Variants in CYYR1 observed in about 807,000 individuals in gnomAD.
The protein encoded by CYYR1 is cysteine and tyrosine rich 1, also known as cysteine and tyrosine-rich protein 1.
In CYYR1, 14 loss-of-function variants were observed where a neutral mutation model predicts 15.2. That is an observed-to-expected ratio of 0.92 (90% CI 0.61 to 1.44). CYYR1 has a LOEUF of 1.44. CYYR1 is among the 40% of genes most tolerant of loss of function. The probability of loss-of-function intolerance (pLI) is 0.00; values close to 1 mark genes in which losing one functional copy is unlikely to be tolerated. For missense variants in CYYR1, 228 were observed against 209.5 expected (o/e 1.09, Z -0.54); for synonymous variants, 80 against 77.4 (o/e 1.03, Z -0.18).
At chr21:26,470,687 C>T (rs946598933) in intron 3 of CYYR1, 1 of 152,230 alleles carries the variant, frequency 6.6e-6, no homozygotes, top group Non-Finnish European at 1.5e-5. Flanking sequence ...ATTACCCAGA[C>T]TCGGGTATGT....
At chr21:26,535,554 T>A (rs1270494859) in intron 2 of CYYR1, among the ~76,000 whole-genome samples, 1 of 152,218 alleles carries the variant, frequency 6.6e-6, no homozygotes, top group Non-Finnish European at 1.5e-5. Context: ...GCTTGTGAAA[T>A]TTTTATTAAT....
At chr21:26,538,150 C>T (rs935487494) in intron 2 of CYYR1, among the ~76,000 whole-genome samples, 2 of 152,176 alleles carry the variant, frequency 1.3e-5, no homozygotes, top group Non-Finnish European at 2.9e-5. Flanking sequence ...TGGTTTCTAA[C>T]CTTCTCTTAA....
At chr21:26,489,288 TA>T (rs1354766734) in intron 2 of CYYR1, among the ~76,000 whole-genome samples, 3 of 152,156 alleles carry the variant, frequency 2.0e-5, no homozygotes, top group Non-Finnish European at 4.4e-5. Flanking sequence ...GAATATGTTG[TA>T]GATTGTAGGG....
At chr21:26,527,017 G>A (rs143349268) in intron 2 of CYYR1, among the ~76,000 whole-genome samples, 80 of 152,306 alleles carry the variant, frequency 5.3e-4, no homozygotes, top group Non-Finnish European at 7.4e-4. Context: ...AGAAAATAAA[G>A]TTGACCCCAA....
intron 2 of CYYR1, among the ~76,000 whole-genome samples, chr21:26,561,411 C>A (rs921715581): frequency 6.6e-6 from 1 of 151,746 alleles, no homozygotes; most frequent in South Asian, 2.1e-4. Flanking sequence ...CACTAAGATA[C>A]TTAATGATCA....
At chr21:26,490,610 AT>A (rs540662885) in intron 2 of CYYR1, among the ~76,000 whole-genome samples, 1 of 152,228 alleles carries the variant, frequency 6.6e-6, no homozygotes, top group Non-Finnish European at 1.5e-5. Context: ...CATGTAACAG[AT>A]TTTTGAATCA....
At chr21:26,550,249 T>C (rs562402355) in intron 2 of CYYR1, 2 of 152,308 alleles carry the variant, frequency 1.3e-5, no homozygotes, top group South Asian at 2.1e-4. Context: ...GTGAACTTAA[T>C]TGATAAATGT....
At chr21:26,511,968 A>G (rs1240937773) in intron 2 of CYYR1, among the ~76,000 whole-genome samples, 1 of 145,946 alleles carries the variant, frequency 6.9e-6, no homozygotes, top group Non-Finnish European at 1.5e-5. Context: ...GTTCAGAAAT[A>G]TGTCAACAAT....
chr21:26,557,982 C>A (rs1601829738), intron 2 of CYYR1, among the ~76,000 whole-genome samples: 2 of 152,340 alleles, frequency 1.3e-5, no homozygotes, highest in Middle Eastern at 3.4e-3. Flanking sequence ...TAGCCCCAAT[C>A]CTTAGGTCCA....
chr21:26,521,944 C>T (rs1395208643), intron 2 of CYYR1, among the ~76,000 whole-genome samples: 1 of 152,160 alleles, frequency 6.6e-6, no homozygotes, highest in Non-Finnish European at 1.5e-5. Context: ...AAGAAAGGAC[C>T]TGTGGTGGTA....
chr21:26,526,246 G>A (rs866879432), intron 2 of CYYR1, among the ~76,000 whole-genome samples: 8 of 152,062 alleles, frequency 5.3e-5, no homozygotes, highest in Non-Finnish European at 1.0e-4. Context: ...TCAGGAGTTC[G>A]AAACCAGCCT....
At chr21:26,478,584 C>T (rs1200945016) in intron 3 of CYYR1, among the ~76,000 whole-genome samples, 1 of 152,128 alleles carries the variant, frequency 6.6e-6, no homozygotes, top group Non-Finnish European at 1.5e-5. Flanking sequence ...TTAATGCCTC[C>T]TCTGCGGGAA....
intron 2 of CYYR1, chr21:26,482,444 A>G (rs2065194120): frequency 3.0e-5 from 30 of 985,300 alleles, no homozygotes; most frequent in South Asian, 4.7e-5. Flanking sequence ...TCTTACAGCA[A>G]CTAAGACTAC....
At chr21:26,510,584 T>C (rs1022089397) in intron 2 of CYYR1, among the ~76,000 whole-genome samples, 5 of 152,216 alleles carry the variant, frequency 3.3e-5, no homozygotes, top group African/African-American at 1.2e-4. Flanking sequence ...ATGTAGTCTA[T>C]TGTTGCAAGG....
chr21:26,496,189 C>T (rs1365906294), intron 2 of CYYR1, among the ~76,000 whole-genome samples: 6 of 152,278 alleles, frequency 3.9e-5, no homozygotes, highest in African/African-American at 1.2e-4. Flanking sequence ...AGTGCTAATA[C>T]GTAGCTAGAT....
chr21:26,527,493 C>A (rs1283520077), intron 2 of CYYR1, among the ~76,000 whole-genome samples: 2 of 152,024 alleles, frequency 1.3e-5, no homozygotes, highest in Non-Finnish European at 2.9e-5. Flanking sequence ...GAATAGGCAG[C>A]TTTTTATATT....
At chr21:26,486,646 G>A (rs2065252027) in intron 2 of CYYR1, among the ~76,000 whole-genome samples, 1 of 151,844 alleles carries the variant, frequency 6.6e-6, no homozygotes, top group South Asian at 2.1e-4. Flanking sequence ...TGCAAAATGA[G>A]ATTTTATAAT....
intron 3 of CYYR1, chr21:26,471,257 T>C (rs907435045): frequency 2.6e-5 from 4 of 152,222 alleles, no homozygotes; most frequent in Admixed American, 6.5e-5. Flanking sequence ...TGTGGTTCTA[T>C]GCTGTTTTTC....
At chr21:26,571,623 C>T (rs1262778394) in intron 1 of CYYR1, among the ~76,000 whole-genome samples, 3 of 152,174 alleles carry the variant, frequency 2.0e-5, no homozygotes, top group Non-Finnish European at 2.9e-5. Flanking sequence ...AGCATAATTA[C>T]TTCGAAAGAA....
Sources: gnomAD v4.1 joint callset for allele counts (sites outside exome capture counted in the v4.1 genomes callset) on GRCh38, gnomAD v4.1.1 for gene constraint, MANE v1.5 for transcripts, NCBI Gene and HGNC (gene_info 2026-07-23, HGNC 2026-07-21) for gene names.